MPP4: variants seen among roughly 807,000 people sequenced by gnomAD.
MPP4 encodes the protein MAGUK p55 subfamily member 4.
Under a neutral mutation model 98.3 loss-of-function variants are expected in MPP4, and 91 were observed. The observed-to-expected ratio is 0.93, with a 90% CI of 0.78 to 1.10. MPP4 has a LOEUF of 1.10. Ranked by LOEUF, MPP4 falls within the 50% of genes least tolerant of loss-of-function variation. The probability of loss-of-function intolerance (pLI) is 0.00; values close to 1 mark genes in which losing one functional copy is unlikely to be tolerated. For synonymous variants in MPP4, 261 were observed against 271.8 expected (o/e 0.96, Z 0.39); for missense variants, 744 against 792.9 (o/e 0.94, Z 0.74).
intron 15 of MPP4, among the ~76,000 whole-genome samples, chr2:201,659,159 C>G (rs1316644894): frequency 2.0e-5 from 3 of 152,152 alleles, no homozygotes; most frequent in Non-Finnish European, 2.9e-5. Context: ...GCCTCCCAAA[C>G]TGCTGGGATT....
At chr2:201,681,143 C>T in intron 9 of MPP4, 109 bp from the exon 10 acceptor site, 3 of 1,080,758 alleles carry the variant, frequency 2.8e-6, no homozygotes, top group Non-Finnish European at 4.0e-6. Context: ...CACTCCTCCA[C>T]CTGCTACTCC....
At chr2:201,651,607 T>C in intron 18 of MPP4, 1 of 985,264 alleles carries the variant, frequency 1.0e-6, no homozygotes, top group Non-Finnish European at 1.2e-6. Context: ...GTTGATATTC[T>C]TAAAATTCTT....
chr2:201,666,314 C>A lies in MPP4; in HGVS notation c.1051+20G>T. 2 of 1,543,514 alleles carry A rather than the reference C, an allele frequency of 1.3e-6. No homozygotes were observed. Among genetic ancestry groups the A allele is most frequent in the Non-Finnish European group, 1.8e-6 (2 of 1,142,610 alleles). On this transcript the variant is annotated intron_variant, in intron 13 of 21. Transcript: ENST00000409474. Reference sequence around the variant, plus strand: ...CTTCATATTTCTTCTAACAGCAAAGCAATCAAGAGAAAATGTTACCTGCTT... The same window carrying A: ...CTTCATATTTCTTCTAACAGCAAAGAAATCAAGAGAAAATGTTACCTGCTT...
At chr2:201,681,686 T>C in intron 8 of MPP4, 119 bp from the exon 9 acceptor site, 2 of 733,274 alleles carry the variant, frequency 2.7e-6, no homozygotes, top group East Asian at 2.7e-5. Context: ...CCCAAGAGCC[T>C]TTCACAAGGG....
At position 201,693,928 on chromosome 2, in the gene MPP4, A is replaced by G; in HGVS notation, c.27T>C (p.Asp9=). The G allele has an allele frequency of 6.2e-7, 1 of 1,613,942 alleles. No homozygotes were observed. Among genetic ancestry groups the G allele is most frequent in the Non-Finnish European group, 8.5e-7 (1 of 1,179,850 alleles). The change falls in exon 2 of 22, where the codon GAT becomes GAC. Residue 9 remains aspartate, a synonymous_variant. Coordinates refer to ENST00000409474, the MANE Select transcript of MPP4 (RefSeq NM_033066.3). ...GCTTCATGTCCTTCTTGTCTGGTGG[A>G]TCTGCTCCTTTGTCTGACTGTATCA... is the stretch of plus-strand genomic sequence containing the variant. MIQSDKGA[D]PPDKKDMKLS...
At position 201,645,161 on chromosome 2, in the gene MPP4, C is replaced by G. The variant is rs990601184; in HGVS notation, c.*49G>C. On this transcript the variant is annotated 3_prime_UTR_variant, in exon 22 of 22. Coordinates refer to ENST00000409474, the MANE Select transcript of MPP4 (RefSeq NM_033066.3). ...GTTGTTTTAGATTGCAACTATGGAT[C>G]GCTGTATCAAGGGTACAGTGTTAAA... The G allele has an allele frequency of 1.4e-6, 2 of 1,460,672 alleles. No individual in the cohort carries two copies. The highest frequency in any genetic ancestry group is 2.8e-5 in the South Asian group (2 of 71,192). The allele number at this position is 1,460,672 out of a possible 1,614,324, so 90.5% of individuals were successfully genotyped here.
chr2:201,690,880 C>T (rs1341656772), intron 3 of MPP4, among the ~76,000 whole-genome samples: 2 of 152,072 alleles, frequency 1.3e-5, no homozygotes, highest in East Asian at 1.9e-4. Flanking sequence ...AATTTTTTTC[C>T]ATACCAAGAT....
chr2:201,697,316 C>A (rs1362900458), intron 1 of MPP4, among the ~76,000 whole-genome samples: 1 of 152,212 alleles, frequency 6.6e-6, no homozygotes, highest in African/African-American at 2.4e-5. Context: ...AAAAAAACTT[C>A]CAGAAAATGA....
rs1368701935 is a variant in MPP4 at position 201,692,934 on chromosome 2, A to G, written c.175T>C (p.Ser59Pro). The G allele has an allele frequency of 6.2e-7, 1 of 1,611,016 alleles. No homozygotes were observed. Among genetic ancestry groups the G allele is most frequent in the East Asian group, 2.2e-5 (1 of 44,710 alleles). ...GVCLLYDLLH[S>P]PWLQALLKIY... ...TTTAGCAGAGCCTGAAGCCACGGCG[A>G]GTGGAGGAGATCGTACAAGAGACAC... is the stretch of plus-strand genomic sequence containing the variant. Residue 59 changes from serine (S) to proline (P), a missense_variant, in exon 3 of 22, where the codon TCG becomes CCG. Coordinates refer to ENST00000409474, the MANE Select transcript of MPP4 (RefSeq NM_033066.3).
intron 3 of MPP4, among the ~76,000 whole-genome samples, chr2:201,692,192 G>T (rs1048329772): frequency 6.6e-6 from 1 of 152,166 alleles, no homozygotes; most frequent in African/African-American, 2.4e-5. Flanking sequence ...GACACCATTG[G>T]GTAAGTAGTT....
At chr2:201,696,598 G>A (rs532556606) in intron 1 of MPP4, among the ~76,000 whole-genome samples, 8 of 152,192 alleles carry the variant, frequency 5.3e-5, no homozygotes, top group Admixed American at 1.3e-4. Context: ...ACTGTGCTGA[G>A]CTAGGCCTAC....
At chr2:201,661,925 C>G (rs1477021582) in intron 14 of MPP4, 1 of 320,630 alleles carries the variant, frequency 3.1e-6, no homozygotes, top group Non-Finnish European at 6.1e-6. Flanking sequence ...TGAGAATAAG[C>G]TAGGGGAATT....
chr2:201,651,282 G>A (rs922745123), intron 18 of MPP4: 1 of 985,254 alleles, frequency 1.0e-6, no homozygotes, highest in Non-Finnish European at 1.2e-6. Context: ...ATGTCATCTT[G>A]GGGTCATTTT....
chr2:201,694,497 CTT>C (rs1689121974), intron 1 of MPP4, among the ~76,000 whole-genome samples: 2 of 151,118 alleles, frequency 1.3e-5, no homozygotes, highest in South Asian at 4.2e-4. Context: ...GAGGCACACT[CTT>C]GGAATTTAGA....
chr2:201,656,282 A>T lies in MPP4; in HGVS notation c.1216T>A (p.Tyr406Asn), dbSNP rs778570635. The change falls in exon 17 of 22, where the codon TAC (tyrosine) becomes AAC (asparagine). Residue 406 changes from tyrosine to asparagine, a missense_variant. Tyr to Asn is a moderately radical substitution (Grantham distance 143). Coordinates refer to ENST00000409474, the MANE Select transcript of MPP4 (RefSeq NM_033066.3). ...HASVCCTGSC[Y>N]SAVGAPYEEV... ...TCGTAAGGGGCACCCACTGCACTGT[A>T]GCAGCTGCCGGTGCAGCACACACTG... 2 of 1,588,252 alleles carry T rather than the reference A, an allele frequency of 1.3e-6. No homozygotes were observed. The highest frequency in any genetic ancestry group is 2.3e-5 in the South Asian group (2 of 86,774).
At chr2:201,696,086 G>A (rs2105953660) in intron 1 of MPP4, among the ~76,000 whole-genome samples, 1 of 152,298 alleles carries the variant, frequency 6.6e-6, no homozygotes, top group East Asian at 1.9e-4. Context: ...TTCTAAGGCA[G>A]TGAGAAGAGC....
At chr2:201,657,601 G>GTTTTTTTTTTTTTTT (rs1393900511) in intron 16 of MPP4, among the ~76,000 whole-genome samples, 1 of 104,992 alleles carries the variant, frequency 9.5e-6, no homozygotes, top group African/African-American at 3.8e-5. Flanking sequence ...TTTTTTTTTT[G>GTTTTTTTTTTTTTTT]TTTTTTTGTT....
At position 201,650,365 on chromosome 2, in the gene MPP4, G is replaced by A. The variant is rs1409411851; in HGVS notation, c.1382-200C>T. On this transcript the variant is annotated intron_variant, in intron 18 of 21. Transcript: ENST00000409474. ...CAGTTAGTCTATAAACCTTTACTGA[G>A]TGCTTATGGTATGAAAAAGAATGCA... 7.1e-6 allele frequency: 7 copies of A among 985,302 alleles called. No homozygotes were observed. The African/African-American group carries it at 8.7e-5, about 12-fold the overall frequency. The allele number at this position is 985,302 out of a possible 1,614,324, so 61.0% of individuals were successfully genotyped here. A position where few individuals can be genotyped will look rare whatever the true frequency, so the allele number is the denominator to read the frequency against.
intron 12 of MPP4, among the ~76,000 whole-genome samples, chr2:201,668,697 A>G (rs892910671): frequency 6.6e-6 from 1 of 152,200 alleles, no homozygotes; most frequent in Admixed American, 6.5e-5. Flanking sequence ...AGTCTGTGGT[A>G]TCTTGTTACG....
Sources: gnomAD v4.1 joint callset for allele counts (sites outside exome capture counted in the v4.1 genomes callset) on GRCh38, gnomAD v4.1.1 for gene constraint, MANE v1.5 for transcripts, NCBI Gene and HGNC (gene_info 2026-07-23, HGNC 2026-07-21) for gene names.